Variants in KDM3B observed in about 807,000 individuals in gnomAD.
KDM3B encodes lysine demethylase 3B.
A neutral mutation model predicts 170.0 loss-of-function variants in KDM3B; 10 were observed. That is an observed-to-expected ratio of 0.06 (90% CI 0.04 to 0.10). The LOEUF (loss-of-function observed/expected upper bound fraction) is 0.10, where lower values mean the gene tolerates loss of function less well. Ranked by LOEUF, KDM3B falls within the 10% of genes least tolerant of loss-of-function variation. The pLI, the probability that KDM3B is intolerant of heterozygous loss-of-function variation, is 1.00. For missense variants in KDM3B, 1,394 were observed against 2,195.2 expected, an observed-to-expected ratio of 0.64 and a Z score of 7.29; for synonymous variants, 831 against 834.8, an observed-to-expected ratio of 1.00 and a Z score of 0.08.
chr5:138,380,714 C>T (rs1762105291), intron 5 of KDM3B, among the ~76,000 whole-genome samples: 1 of 151,948 alleles, frequency 6.6e-6, no homozygotes, highest in African/African-American at 2.4e-5. Flanking sequence ...TCAAATTGCC[C>T]CCCACTGAGT....
intron 20 of KDM3B, among the ~76,000 whole-genome samples, chr5:138,428,940 C>CTTTGTT: frequency 9.9e-6 from 1 of 101,232 alleles, no homozygotes; most frequent in Non-Finnish European, 2.1e-5. Flanking sequence ...GGGATAATTT[C>CTTTGTT]TTTTTTTTTT....
chr5:138,363,903 A>G (rs4317313), intron 1 of KDM3B, among the ~76,000 whole-genome samples: 45,085 of 141,868 alleles, frequency 0.32, 7,563 homozygotes, highest in South Asian at 0.45. Context: ...CAGTTATTCT[A>G]TTTAGTTTTT....
chr5:138,394,730 C>A (rs1257037719), intron 9 of KDM3B, among the ~76,000 whole-genome samples: 2 of 152,132 alleles, frequency 1.3e-5, no homozygotes, highest in Non-Finnish European at 2.9e-5. Flanking sequence ...GATGAGAAGT[C>A]ATTGGAGGCC....
chr5:138,393,362 C>G lies in KDM3B; in HGVS notation c.2821C>G (p.His941Asp), dbSNP rs1328477499. Reference sequence around the variant, plus strand: ...TTCTACTGTAGCCTGCCGTTTCTTTCACTTCCGGAGGTACCCAAACTCCTG... The same window carrying G: ...TTCTACTGTAGCCTGCCGTTTCTTTGACTTCCGGAGGTACCCAAACTCCTG... ...DDSTVACRFFHFRRLIFTRKG... is the reference protein window; with the variant it reads ...DDSTVACRFFDFRRLIFTRKG... The change falls in exon 9 of 24, where the codon CAC becomes GAC. Residue 941 changes from histidine to aspartate, a missense_variant. By Grantham distance (81) the His-to-Asp change is moderately conservative. Coordinates refer to ENST00000314358, the MANE Select transcript of KDM3B (RefSeq NM_016604.4). 1 of 1,613,608 alleles carries G rather than the reference C, an allele frequency of 6.2e-7. No homozygotes were observed. Among genetic ancestry groups the G allele is most frequent in the Non-Finnish European group, 8.5e-7 (1 of 1,179,788 alleles).
At chr5:138,406,896 TA>T (rs201881378) in intron 11 of KDM3B, among the ~76,000 whole-genome samples, 2 of 137,964 alleles carry the variant, frequency 1.4e-5, no homozygotes, top group African/African-American at 2.7e-5. Flanking sequence ...TCTTTAATAA[TA>T]AAAAAAAAGA....
intron 11 of KDM3B, among the ~76,000 whole-genome samples, chr5:138,410,072 C>T (rs778266189): frequency 7.3e-5 from 11 of 150,148 alleles, no homozygotes; most frequent in Non-Finnish European, 1.3e-4. Flanking sequence ...GGGCAATGAG[C>T]GAAACTCCTT....
In KDM3B at chr5:138,380,317, G is replaced by T. The variant is rs1380428059; in HGVS notation, c.705+609G>T. On this transcript the variant is annotated intron_variant, in intron 5 of 23. Coordinates refer to ENST00000314358, the MANE Select transcript of KDM3B (RefSeq NM_016604.4). The stretch of plus-strand genomic sequence containing the variant: ...ATTATTATATTATATTTATTTATAT[G>T]ATATATATGAGTTATATGATATATA... Among the ~76,000 whole-genome samples the T allele has an allele frequency of 2.0e-5, 3 of 148,378 alleles. 1 individual carries two copies. In the East Asian group the frequency reaches 5.9e-4, roughly 29 times the overall value.
chr5:138,360,333 A>G (rs1166826741), intron 1 of KDM3B, among the ~76,000 whole-genome samples: 1 of 152,202 alleles, frequency 6.6e-6, no homozygotes, highest in Non-Finnish European at 1.5e-5. Context: ...TGGTTAGAGA[A>G]CTTTAAATAA....
chr5:138,359,465 C>CTTT (rs35535602), intron 1 of KDM3B, among the ~76,000 whole-genome samples: 5 of 119,572 alleles, frequency 4.2e-5, no homozygotes, highest in Non-Finnish European at 7.0e-5. Flanking sequence ...CCCCCCCCAC[C>CTTT]TTTTTTTTTT....
intron 16 of KDM3B, among the ~76,000 whole-genome samples, chr5:138,424,932 A>T (rs749391316): frequency 6.6e-6 from 1 of 152,172 alleles, no homozygotes; most frequent in Non-Finnish European, 1.5e-5. Context: ...TTTAGAGAAA[A>T]ATCCTTAAGT....
At chr5:138,394,515 G>T (rs1309297748) in intron 9 of KDM3B, among the ~76,000 whole-genome samples, 4 of 152,224 alleles carry the variant, frequency 2.6e-5, no homozygotes, top group Non-Finnish European at 5.9e-5. Flanking sequence ...TTGAGGAACA[G>T]CCTGCAGGAG....
At chr5:138,426,711 C>T in intron 17 of KDM3B, 1 of 348,900 alleles carries the variant, frequency 2.9e-6, no homozygotes, top group South Asian at 2.9e-5. Context: ...GCCAACATGG[C>T]AAAACCCCGT....
chr5:138,433,409 G>GTT (rs370681826), intron 23 of KDM3B, among the ~76,000 whole-genome samples: 34 of 126,560 alleles, frequency 2.7e-4, no homozygotes, highest in Admixed American at 6.5e-4. Context: ...CACTGCGGCT[G>GTT]TTTTTTTTTT....
At chr5:138,389,328 T>C (rs888949463) in intron 7 of KDM3B, among the ~76,000 whole-genome samples, 9 of 152,234 alleles carry the variant, frequency 5.9e-5, no homozygotes, top group African/African-American at 2.2e-4. Flanking sequence ...TCTATGCTAC[T>C]CCTCAAGGAA....
At chr5:138,404,444 A>G (rs1321729442) in intron 11 of KDM3B, among the ~76,000 whole-genome samples, 7 of 152,144 alleles carry the variant, frequency 4.6e-5, no homozygotes, top group Non-Finnish European at 7.3e-5. Flanking sequence ...CCTGGCCAAC[A>G]TGGTGAAATC....
intron 5 of KDM3B, among the ~76,000 whole-genome samples, chr5:138,380,229 C>T (rs1262179599): frequency 6.6e-6 from 1 of 151,596 alleles, no homozygotes; most frequent in African/African-American, 2.4e-5. Context: ...TCAAGTGATC[C>T]GCCCACCTCA....
chr5:138,377,687 C>T (rs757617946), intron 3 of KDM3B, 33 bp from the exon 4 acceptor site: 27 of 1,440,334 alleles, frequency 1.9e-5, no homozygotes, highest in Non-Finnish European at 2.6e-5. Context: ...TTCATTTTAA[C>T]ATTCAGTTGT....
chr5:138,392,293 C>T (rs764432476), intron 8 of KDM3B, 32 bp downstream of exon 8: 1 of 1,460,622 alleles, frequency 6.8e-7, no homozygotes, highest in Non-Finnish European at 9.1e-7. Context: ...TTGGGCTTTG[C>T]TCTGGCACTG....
At chr5:138,353,578 T>C (rs1761384690) in intron 1 of KDM3B, among the ~76,000 whole-genome samples, 2 of 152,174 alleles carry the variant, frequency 1.3e-5, no homozygotes, top group African/African-American at 2.4e-5. Context: ...TGTCTCGAGC[T>C]CTCCTCTCCT....
Sources: gnomAD v4.1 joint callset for allele counts (sites outside exome capture counted in the v4.1 genomes callset) on GRCh38, gnomAD v4.1.1 for gene constraint, MANE v1.5 for transcripts, NCBI Gene and HGNC (gene_info 2026-07-23, HGNC 2026-07-21) for gene names.